The following SNTG1 variants were observed in gnomAD, a reference collection of about 807,000 sequenced individuals.
The protein encoded by SNTG1 is gamma-1-syntrophin.
SNTG1 carries 39 observed loss-of-function variants against 74.7 expected under a neutral mutation model. The ratio of observed to expected loss-of-function variants is 0.52; its 90% CI spans 0.40 to 0.68. The LOEUF is 0.68. Ranked by LOEUF, SNTG1 falls within the 30% of genes least tolerant of loss-of-function variation. The pLI, the probability that SNTG1 is intolerant of heterozygous loss-of-function variation, is 0.00. For synonymous variants in SNTG1, 254 were observed against 217.1 expected (o/e 1.17, Z -1.49); for missense variants, 685 against 609.5 (o/e 1.12, Z -1.30).
At chr8:50,620,951 A>C (rs879299955) in intron 13 of SNTG1, among the ~76,000 whole-genome samples, 1 of 152,192 alleles carries the variant, frequency 6.6e-6, no homozygotes, top group Admixed American at 6.5e-5. Context: ...GCTTGGAGAC[A>C]TAGGCTATTG....
chr8:50,519,826 A>G (rs1223884800), intron 9 of SNTG1, among the ~76,000 whole-genome samples: 4 of 152,220 alleles, frequency 2.6e-5, no homozygotes, highest in African/African-American at 9.6e-5. Context: ...TTTGAAAAAC[A>G]TTCCATGTTC....
intron 9 of SNTG1, among the ~76,000 whole-genome samples, chr8:50,519,534 T>A (rs1462119941): frequency 2.0e-5 from 3 of 152,244 alleles, no homozygotes; most frequent in Non-Finnish European, 1.5e-5. Context: ...GCAGATGACA[T>A]GATTGTATAT....
chr8:49,981,488 A>C (rs1314690691), intron 1 of SNTG1, among the ~76,000 whole-genome samples: 1 of 152,098 alleles, frequency 6.6e-6, no homozygotes, highest in Non-Finnish European at 1.5e-5. Context: ...GTAGTGCACT[A>C]TTGTTTGTAA....
chr8:50,412,862 A>G (rs1321839175), intron 4 of SNTG1, among the ~76,000 whole-genome samples: 1 of 152,218 alleles, frequency 6.6e-6, no homozygotes, highest in Non-Finnish European at 1.5e-5. Flanking sequence ...GAAGGATGTA[A>G]GGTGGGGTGC....
chr8:50,103,421 A>T (rs1311266280), intron 1 of SNTG1, among the ~76,000 whole-genome samples: 1 of 152,110 alleles, frequency 6.6e-6, no homozygotes, highest in East Asian at 1.9e-4. Context: ...GTATCCTGAG[A>T]TTTTGCTGAA....
At chr8:50,610,863 A>T (rs970472497) in intron 13 of SNTG1, among the ~76,000 whole-genome samples, 2 of 152,196 alleles carry the variant, frequency 1.3e-5, no homozygotes, top group Non-Finnish European at 2.9e-5. Context: ...TTGACTATGA[A>T]GTTCCCAAAT....
intron 15 of SNTG1, among the ~76,000 whole-genome samples, chr8:50,692,718 GTCTGCCCGT>G (rs2095387058): frequency 6.6e-6 from 1 of 152,196 alleles, no homozygotes; most frequent in Non-Finnish European, 1.5e-5. Context: ...TGAGGAGGCA[GTCTGCCCGT>G]TCTCAGATCT....
At chr8:50,425,831 G>T (rs2093156979) in intron 4 of SNTG1, among the ~76,000 whole-genome samples, 1 of 152,156 alleles carries the variant, frequency 6.6e-6, no homozygotes, top group South Asian at 2.1e-4. Context: ...AAAACACTTA[G>T]GAGATGCAAT....
chr8:50,015,022 A>G (rs1816180660), intron 1 of SNTG1, among the ~76,000 whole-genome samples: 1 of 151,918 alleles, frequency 6.6e-6, no homozygotes, highest in East Asian at 1.9e-4. Context: ...CAGAAAAAAA[A>G]AAAGCCAACA....
chr8:49,912,678 G>C (rs527610980), intron 1 of SNTG1, among the ~76,000 whole-genome samples: 1 of 152,080 alleles, frequency 6.6e-6, no homozygotes, highest in African/African-American at 2.4e-5. Context: ...CTATGCATGG[G>C]AACAAATACA....
At chr8:50,064,238 C>T (rs1398176742) in intron 1 of SNTG1, among the ~76,000 whole-genome samples, 1 of 152,184 alleles carries the variant, frequency 6.6e-6, no homozygotes, top group Admixed American at 6.5e-5. Flanking sequence ...TTCCCATATT[C>T]ATACTTAAAG....
At chr8:49,986,504 T>A (rs1813166297) in intron 1 of SNTG1, among the ~76,000 whole-genome samples, 1 of 152,156 alleles carries the variant, frequency 6.6e-6, no homozygotes, top group Non-Finnish European at 1.5e-5. Context: ...TATCAGAATA[T>A]GTGTACATGA....
chr8:50,266,646 ATG>A (rs748153246), intron 2 of SNTG1, among the ~76,000 whole-genome samples: 11,532 of 69,516 alleles, frequency 0.17, 840 homozygotes, highest in African/African-American at 0.23. Flanking sequence ...ACACAGAATT[ATG>A]TGTGTGTGTG....
intron 1 of SNTG1, among the ~76,000 whole-genome samples, chr8:50,171,379 C>G (rs4873414): frequency 0.3 from 46,274 of 151,880 alleles, 7,183 homozygotes; most frequent in South Asian, 0.43. Flanking sequence ...GATGTTCAAG[C>G]GCAGGAAGCA....
At chr8:50,028,930 A>G (rs545835645) in intron 1 of SNTG1, among the ~76,000 whole-genome samples, 1 of 152,302 alleles carries the variant, frequency 6.6e-6, no homozygotes, top group African/African-American at 2.4e-5. Context: ...TTCTCTTCAT[A>G]AAATGTCAGA....
chr8:50,188,172 G>A (rs1384104966), intron 2 of SNTG1, among the ~76,000 whole-genome samples: 1 of 152,104 alleles, frequency 6.6e-6, no homozygotes, highest in Non-Finnish European at 1.5e-5. Context: ...GTTCCATTCA[G>A]TGACCATTCA....
intron 2 of SNTG1, among the ~76,000 whole-genome samples, chr8:50,233,765 A>T (rs987110215): frequency 6.6e-6 from 1 of 151,808 alleles, no homozygotes; most frequent in African/African-American, 2.4e-5. Flanking sequence ...TTCACTAAAG[A>T]GGCTATATGG....
chr8:50,556,920 G>A (rs142778310), intron 12 of SNTG1, among the ~76,000 whole-genome samples: 85 of 152,204 alleles, frequency 5.6e-4, no homozygotes, highest in Non-Finnish European at 7.9e-4. Flanking sequence ...CACATGCTGA[G>A]GACTCAGCAC....
chr8:50,295,730 T>C (rs1447376056), intron 2 of SNTG1, among the ~76,000 whole-genome samples: 3 of 152,234 alleles, frequency 2.0e-5, no homozygotes, highest in Non-Finnish European at 4.4e-5. Flanking sequence ...TGCTTGGCTA[T>C]TCAAATGACA....
Sources: gnomAD v4.1 joint callset for allele counts (sites outside exome capture counted in the v4.1 genomes callset) on GRCh38, gnomAD v4.1.1 for gene constraint, MANE v1.5 for transcripts, NCBI Gene and HGNC (gene_info 2026-07-23, HGNC 2026-07-21) for gene names.